The following TPD52L2 variants were observed in gnomAD, a reference collection of about 807,000 sequenced individuals.
TPD52L2 encodes TPD52 like 2, also known as tumor protein D54.
TPD52L2 carries 19 observed loss-of-function variants against 24.7 expected under a neutral mutation model. That is an observed-to-expected ratio of 0.77 (90% CI 0.54 to 1.13). The LOEUF (loss-of-function observed/expected upper bound fraction) is 1.13, where lower values mean the gene tolerates loss of function less well. Ranked by LOEUF, TPD52L2 falls within the 50% of genes most tolerant of loss-of-function variation. TPD52L2 has a pLI of 0.00. For synonymous variants in TPD52L2, 104 were observed against 100.2 expected (o/e 1.04, Z -0.23); for missense variants, 236 against 250.4 (o/e 0.94, Z 0.39).
At position 63,887,623 on chromosome 20, in the gene TPD52L2, G is replaced by T. The variant is rs376765531; in HGVS notation, c.477-1567G>T. The T allele has an allele frequency of 4.3e-6, 7 of 1,611,874 alleles. No homozygotes were observed. The Admixed American group carries it at 8.3e-5, about 19-fold the overall frequency. On this transcript the variant is annotated intron_variant, in intron 5 of 6. Transcript: ENST00000346249. ...GCCATGAGGTAATGTATGCCTGCTC[G>T]CTGCGGCTCCAGAGCCGGGTGTCTC...
Position 63,889,962 on chromosome 20 carries a change from C to T in TPD52L2, c.*17C>T. On this transcript the variant is annotated 3_prime_UTR_variant, in exon 7 of 7. Coordinates refer to ENST00000346249, the MANE Select transcript of TPD52L2 (RefSeq NM_003288.4). ...CCTTTCTAAGCCTGTGGTTGCTTCA[C>T]CCGCTGCAGAGCACACGCAACCCAG... The T allele has an allele frequency of 6.2e-7, 1 of 1,613,822 alleles. No individual in the cohort carries two copies. Among genetic ancestry groups the T allele is most frequent in the Non-Finnish European group, 8.5e-7 (1 of 1,180,026 alleles).
rs1247316226 is a variant in TPD52L2 at position 63,877,017 on chromosome 20, TTTTTTTG to T, written c.374+1146_374+1152del. Reference sequence around the variant, plus strand: ...TGGTTCATGGCATGTTGCCCTGGGTTTTTTTTGTTTGTTTGGTTTTTTTTTTGAGACA... The same window carrying T: ...TGGTTCATGGCATGTTGCCCTGGGTTTTTGTTTGGTTTTTTTTTTGAGACA... On this transcript the variant is annotated intron_variant, in intron 4 of 6. Transcript: ENST00000346249. The surrounding 1 kb of genome is among the most constrained non-coding windows in gnomAD (Gnocchi z 4.1). 1.4e-5 allele frequency: 6 copies of T among 444,222 alleles called. No individual in the cohort carries two copies. Among genetic ancestry groups the T allele is most frequent in the African/African-American group, 8.2e-5 (4 of 49,020 alleles). The allele number at this position is 444,222 out of a possible 1,614,324, so 27.5% of individuals were successfully genotyped here. A position where few individuals can be genotyped will look rare whatever the true frequency, so the allele number is the denominator to read the frequency against.
Position 63,889,196 on chromosome 20 carries a change from T to C in TPD52L2, c.483T>C (p.Ser161=), listed in dbSNP as rs779395465. Residue 161 remains serine, a synonymous_variant, in exon 6 of 7, where the codon TCT becomes TCC. Coordinates refer to ENST00000346249, the MANE Select transcript of TPD52L2 (RefSeq NM_003288.4). The part of the protein sequence containing the change: ...ISRKLGDMRN[S]ATFKSFEDRV... ...CTTCCCTCTCTCTTTAAAGGAACTC[T>C]GCGACCTTCAAGTCGTTTGAGGACC... 6.2e-7 allele frequency: 1 copy of C among 1,613,566 alleles called. No homozygotes were observed. The highest frequency in any genetic ancestry group is 8.5e-7 in the Non-Finnish European group (1 of 1,179,770).
At position 63,888,805 on chromosome 20, in the gene TPD52L2, G is replaced by A. The variant is rs575313032; in HGVS notation, c.477-385G>A. 1,087 of 215,892 alleles carry A rather than the reference G, an allele frequency of 5.0e-3. 5 individuals carry two copies. The highest frequency in any genetic ancestry group is 0.024 in the African/African-American group (928 of 37,934). 13.4% of individuals were successfully genotyped at this position (215,892 alleles called of 1,614,324 possible). ...TTTCATAACCTCAGTACGAGAGCCCGGGGTGTCCCTGTAGGGGACAGCAGA... is the reference window on the plus strand; with the variant it reads ...TTTCATAACCTCAGTACGAGAGCCCAGGGTGTCCCTGTAGGGGACAGCAGA... On this transcript the variant is annotated intron_variant, in intron 5 of 6. Coordinates refer to ENST00000346249, the MANE Select transcript of TPD52L2 (RefSeq NM_003288.4).
At chr20:63,876,590 G>A (rs187888956) in intron 4 of TPD52L2, 14 of 361,508 alleles carry the variant, frequency 3.9e-5, no homozygotes, top group Admixed American at 3.0e-4. Context: ...GTCTCTGTGG[G>A]ATTTTTTCAT....
rs1356931650 is a variant in TPD52L2 at position 63,877,472 on chromosome 20, C to T, written c.374+1597C>T. 1.3e-5 allele frequency among the ~76,000 whole-genome samples: 2 copies of T among 152,118 alleles called. No individual in the cohort carries two copies. Among genetic ancestry groups the T allele is most frequent in the Non-Finnish European group, 2.9e-5 (2 of 67,996 alleles). On this transcript the variant is annotated intron_variant, in intron 4 of 6. Coordinates refer to ENST00000346249, the MANE Select transcript of TPD52L2 (RefSeq NM_003288.4). The surrounding 1 kb of genome is among the most constrained non-coding windows in gnomAD (Gnocchi z 4.1). ...CTGCACCCGGCTTGAGCAGGGTGTT[C>T]TAGGGACCCTGGTGGGCTGTGTCTC...
chr20:63,881,388 C>T (rs1249812731), intron 4 of TPD52L2, among the ~76,000 whole-genome samples: 2 of 151,770 alleles, frequency 1.3e-5, no homozygotes, highest in Admixed American at 6.6e-5. Flanking sequence ...GAAAGTGCAT[C>T]CTCTGGTAGG....
chr20:63,883,729 T>C (rs1187196524), intron 5 of TPD52L2, among the ~76,000 whole-genome samples: 1 of 152,090 alleles, frequency 6.6e-6, no homozygotes, highest in Non-Finnish European at 1.5e-5. Flanking sequence ...GACCGGTGTG[T>C]GGAGCACAGT....
chr20:63,869,357 C>T lies in TPD52L2; in HGVS notation c.81C>T (p.Val27=), dbSNP rs763956486. The change falls in exon 2 of 7, where the codon GTC becomes GTT. Residue 27 remains valine, a synonymous_variant. Coordinates refer to ENST00000346249, the MANE Select transcript of TPD52L2 (RefSeq NM_003288.4). ...LLSDSMTDVP[V]DTGVAARTPA... ...CTGACTCCATGACGGATGTTCCTGT[C>T]GACACAGGTGTGGCTGCCCGGACTC... 2.0e-5 allele frequency: 32 copies of T among 1,614,118 alleles called. No individual in the cohort carries two copies. The highest frequency in any genetic ancestry group is 3.3e-5 in the Admixed American group (2 of 60,012).
chr20:63,865,855 TC>T (rs2052204377), intron 1 of TPD52L2, among the ~76,000 whole-genome samples: 1 of 152,216 alleles, frequency 6.6e-6, no homozygotes, highest in East Asian at 1.9e-4. Flanking sequence ...TCAGCAGAGC[TC>T]CCCTTGGGCA....
In TPD52L2 at chr20:63,891,385, G is replaced by A. The variant is rs1345393818; in HGVS notation, c.*1440G>A. On this transcript the variant is annotated 3_prime_UTR_variant, in exon 7 of 7. Transcript: ENST00000346249. The surrounding 1 kb of genome is among the most constrained non-coding windows in gnomAD (Gnocchi z 4.7). ...ACACGACAGAGATGCAGGGGCCAGG[G>A]AAGCCCAGCGCTCGGTGCCCTTCGT... The A allele has an allele frequency of 6.6e-6, 1 of 152,530 alleles. No homozygotes were observed. The highest frequency in any genetic ancestry group is 2.4e-5 in the African/African-American group (1 of 41,476). The allele number at this position is 152,530 out of a possible 1,614,324, so 9.4% of individuals were successfully genotyped here.
intron 4 of TPD52L2, among the ~76,000 whole-genome samples, chr20:63,882,310 C>T (rs562014503): frequency 1.4e-4 from 21 of 152,400 alleles, no homozygotes; most frequent in Non-Finnish European, 2.4e-4. Flanking sequence ...GCCAGGCGTG[C>T]ACCTCAGGGG....
chr20:63,887,545 C>T, intron 5 of TPD52L2: 1 of 1,613,414 alleles, frequency 6.2e-7, no homozygotes, highest in Non-Finnish European at 8.5e-7. Context: ...TTCTCTGCTT[C>T]TGCCATGCTT....
chr20:63,879,710 G>T (rs2052825415), intron 4 of TPD52L2, among the ~76,000 whole-genome samples: 1 of 138,134 alleles, frequency 7.2e-6, no homozygotes, highest in Non-Finnish European at 1.6e-5. Context: ...GGGCACAAAT[G>T]CAGGTGCAGC....
chr20:63,878,907 C>T (rs1391656310), intron 4 of TPD52L2, among the ~76,000 whole-genome samples: 2 of 152,246 alleles, frequency 1.3e-5, no homozygotes, highest in African/African-American at 2.4e-5. Flanking sequence ...CCCTTCCTCC[C>T]GGGCTCAGCT....
At chr20:63,884,203 G>A (rs1022188947) in intron 5 of TPD52L2, among the ~76,000 whole-genome samples, 1 of 152,130 alleles carries the variant, frequency 6.6e-6, no homozygotes, top group Non-Finnish European at 1.5e-5. Context: ...ACTTGGGGGG[G>A]TCCTTGTGGG....
At chr20:63,883,023 G>A (rs182431399) in intron 5 of TPD52L2, among the ~76,000 whole-genome samples, 12 of 152,168 alleles carry the variant, frequency 7.9e-5, no homozygotes, top group African/African-American at 1.2e-4. Context: ...CTTTTCTGCC[G>A]TTGCTGTGTT....
At chr20:63,887,538 T>C (rs1421741941) in intron 5 of TPD52L2, 1 of 1,607,422 alleles carries the variant, frequency 6.2e-7, no homozygotes, top group South Asian at 1.1e-5. Context: ...TGCTTCCTTC[T>C]CTGCTTCTGC....
At chr20:63,874,429 A>G (rs1411482792) in intron 3 of TPD52L2, among the ~76,000 whole-genome samples, 2 of 150,034 alleles carry the variant, frequency 1.3e-5, no homozygotes, top group African/African-American at 4.9e-5. Flanking sequence ...GCTGGAGTGC[A>G]GTGGCGCAAT....
Sources: gnomAD v4.1 joint callset for allele counts (sites outside exome capture counted in the v4.1 genomes callset) on GRCh38, gnomAD v4.1.1 for gene constraint, Gnocchi (gnomAD v3.1) non-coding constraint, MANE v1.5 for transcripts, NCBI Gene and HGNC (gene_info 2026-07-23, HGNC 2026-07-21) for gene names.